The following CDH4 variants were observed in gnomAD, a reference collection of about 807,000 sequenced individuals.
CDH4 encodes cadherin-4.
A neutral mutation model predicts 86.0 loss-of-function variants in CDH4; 33 were observed. The observed-to-expected ratio is 0.38, with a 90% confidence interval of 0.29 to 0.51. CDH4 has a LOEUF of 0.51. CDH4 is among the 20% of genes least tolerant of loss of function. CDH4 has a pLI of 0.86. For missense variants in CDH4, 1,114 were observed against 1,307.4 expected (o/e 0.85, Z 2.28); for synonymous variants, 555 against 549.4 (o/e 1.01, Z -0.14).
chr20:61,886,191 C>A (rs2146173856), intron 7 of CDH4, among the ~76,000 whole-genome samples: 1 of 152,312 alleles, frequency 6.6e-6, no homozygotes, highest in Middle Eastern at 3.4e-3. Flanking sequence ...GGGGCAGCAT[C>A]CAGGAGAACT....
In CDH4 at chr20:61,903,934, C is replaced by T. The variant is rs1364692417; in HGVS notation, c.1189-6488C>T. Among the ~76,000 whole-genome samples the T allele has an allele frequency of 5.3e-5, 8 of 152,342 alleles. No individual in the cohort carries two copies. The South Asian group carries it at 6.2e-4, about 12-fold the overall frequency. ...TCTCTGAGACAGGCCTGTCTCCTTG[C>T]GAGGGCCCGCAAGCTTCTCCTCTCT... On this transcript the variant is annotated intron_variant, in intron 8 of 15. Coordinates refer to ENST00000614565, the MANE Select transcript of CDH4 (RefSeq NM_001794.5).
chr20:61,868,376 G>C (rs796776965), intron 6 of CDH4, among the ~76,000 whole-genome samples: 10 of 152,278 alleles, frequency 6.6e-5, no homozygotes, highest in African/African-American at 2.4e-4. Flanking sequence ...AGGCAGCCTG[G>C]CTGGTTCCTG....
At position 61,867,865 on chromosome 20, in the gene CDH4, C is replaced by T. The variant is rs539283754; in HGVS notation, c.878-5863C>T. Among the ~76,000 whole-genome samples the T allele has an allele frequency of 4.6e-5, 7 of 152,300 alleles. No individual in the cohort carries two copies. In the South Asian group the frequency reaches 8.3e-4, roughly 18 times the overall value. On this transcript the variant is annotated intron_variant, in intron 6 of 15. Transcript: ENST00000614565. The stretch of plus-strand genomic sequence containing the variant: ...GCGTAAACTAAGGTGGCCCACGAGG[C>T]GCGATGCATCTGCCAAGGTGAGCTG...
At chr20:61,584,352 C>G (rs1388330666) in intron 2 of CDH4, among the ~76,000 whole-genome samples, 1 of 152,166 alleles carries the variant, frequency 6.6e-6, no homozygotes, top group African/African-American at 2.4e-5. Context: ...GAGAAGGTCT[C>G]CCTCAGAGAA....
chr20:61,604,197 G>A (rs2086624808), intron 2 of CDH4, among the ~76,000 whole-genome samples: 1 of 152,174 alleles, frequency 6.6e-6, no homozygotes, highest in Non-Finnish European at 1.5e-5. Flanking sequence ...AATATTTTTA[G>A]GCCCTGGAGG....
At chr20:61,361,011 G>C (rs932481032) in intron 2 of CDH4, among the ~76,000 whole-genome samples, 3 of 152,156 alleles carry the variant, frequency 2.0e-5, no homozygotes, top group Non-Finnish European at 4.4e-5. Context: ...TCCAAAAAGG[G>C]GATGCCCTTC....
At chr20:61,816,749 C>T (rs1489032817) in intron 4 of CDH4, among the ~76,000 whole-genome samples, 2 of 152,070 alleles carry the variant, frequency 1.3e-5, no homozygotes, top group Admixed American at 6.5e-5. Context: ...CTCAATTCAT[C>T]ACCTGCCACA....
chr20:61,328,519 C>G (rs985391451), intron 2 of CDH4, among the ~76,000 whole-genome samples: 2 of 152,200 alleles, frequency 1.3e-5, no homozygotes, highest in Admixed American at 1.3e-4. Context: ...TGCAGTGGCT[C>G]ACACCTGTAA....
In CDH4 at chr20:61,708,084, G is replaced by T. The variant is rs1197676434; in HGVS notation, c.170-35479G>T. Among the ~76,000 whole-genome samples the T allele has an allele frequency of 1.3e-5, 2 of 152,138 alleles. No homozygotes were observed. Among genetic ancestry groups the T allele is most frequent in the African/African-American group, 2.4e-5 (1 of 41,426 alleles). On this transcript the variant is annotated intron_variant, in intron 2 of 15. Coordinates refer to ENST00000614565, the MANE Select transcript of CDH4 (RefSeq NM_001794.5). The surrounding 1 kb of genome is among the most constrained non-coding windows in gnomAD (Gnocchi z 4.5). ...GCCCTGGACCCAGGACCTGGGCTCTGCTGGGGGTCCCGGGCTGTGGCGCGT... is the reference window on the plus strand; with the variant it reads ...GCCCTGGACCCAGGACCTGGGCTCTTCTGGGGGTCCCGGGCTGTGGCGCGT...
In CDH4 at chr20:61,875,837, A is replaced by T. The variant is rs377160674; in HGVS notation, c.1050+1937A>T. 4.6e-5 allele frequency among the ~76,000 whole-genome samples: 7 copies of T among 152,260 alleles called. No homozygotes were observed. The East Asian group carries it at 1.4e-3, about 29-fold the overall frequency. Reference sequence around the variant, plus strand: ...CAGGAGTGCTGTTAGTGAGGCCCATACAGATGTACAGGAACCAGATACCGT... The same window carrying T: ...CAGGAGTGCTGTTAGTGAGGCCCATTCAGATGTACAGGAACCAGATACCGT... On this transcript the variant is annotated intron_variant, in intron 7 of 15. Coordinates refer to ENST00000614565, the MANE Select transcript of CDH4 (RefSeq NM_001794.5).
intron 2 of CDH4, among the ~76,000 whole-genome samples, chr20:61,729,293 G>T (rs2088150495): frequency 6.6e-6 from 1 of 152,216 alleles, no homozygotes; most frequent in Non-Finnish European, 1.5e-5. Flanking sequence ...TCGTTCCAGT[G>T]GGCACCAGTA....
At chr20:61,406,839 C>G (rs1278744465) in intron 2 of CDH4, among the ~76,000 whole-genome samples, 1 of 147,864 alleles carries the variant, frequency 6.8e-6, no homozygotes, top group Non-Finnish European at 1.5e-5. Flanking sequence ...ACCATCTTCT[C>G]TGCCTGGACC....
intron 11 of CDH4, 90 bp from the exon 12 acceptor site, chr20:61,928,100 G>T: frequency 2.1e-6 from 2 of 964,072 alleles, no homozygotes; most frequent in Non-Finnish European, 3.3e-6. Context: ...TGTTGCACGT[G>T]GTTGTTTGTG....
intron 4 of CDH4, among the ~76,000 whole-genome samples, chr20:61,790,517 A>G (rs964882642): frequency 4.0e-5 from 6 of 148,796 alleles, no homozygotes; most frequent in Non-Finnish European, 8.9e-5. Context: ...TCATCTTTCT[A>G]CCTATCCATT....
intron 2 of CDH4, among the ~76,000 whole-genome samples, chr20:61,700,641 CA>C (rs1463406103): frequency 6.6e-6 from 1 of 151,998 alleles, no homozygotes; most frequent in Non-Finnish European, 1.5e-5. Flanking sequence ...CACATCACCC[CA>C]TACAGCCTCA....
intron 2 of CDH4, among the ~76,000 whole-genome samples, chr20:61,669,911 C>T (rs907848461): frequency 1.3e-5 from 2 of 152,176 alleles, no homozygotes; most frequent in Non-Finnish European, 2.9e-5. Context: ...CATGAGGTCA[C>T]TGGTGGACCT....
chr20:61,850,244 G>A (rs561198455), intron 5 of CDH4, among the ~76,000 whole-genome samples: 2 of 152,296 alleles, frequency 1.3e-5, no homozygotes, highest in South Asian at 2.1e-4. Flanking sequence ...TGTAAAATAG[G>A]GACCAAGACA....
chr20:61,762,014 T>C (rs2088639933), intron 3 of CDH4, among the ~76,000 whole-genome samples: 1 of 152,258 alleles, frequency 6.6e-6, no homozygotes, highest in South Asian at 2.1e-4. Context: ...TGCTTTGCCT[T>C]TGCAGCCAGT....
intron 2 of CDH4, among the ~76,000 whole-genome samples, chr20:61,308,870 A>G (rs1489576146): frequency 6.6e-6 from 1 of 152,184 alleles, no homozygotes. Context: ...TTAAGCCCTG[A>G]TCAAAGGGCT....
Sources: allele counts gnomAD v4.1 joint callset (sites outside exome capture counted in the v4.1 genomes callset), GRCh38; gene constraint gnomAD v4.1.1; non-coding constraint Gnocchi (gnomAD v3.1); transcripts MANE v1.5; gene names NCBI Gene and HGNC (gene_info 2026-07-23, HGNC 2026-07-21).